PNKP: variants seen among roughly 807,000 people sequenced by gnomAD.
PNKP encodes the protein polynucleotide kinase 3'-phosphatase, also known as bifunctional polynucleotide phosphatase/kinase.
In PNKP, 82 loss-of-function variants were observed where a neutral mutation model predicts 66.2. The ratio of observed to expected loss-of-function variants is 1.24; its 90% CI spans 1.04 to 1.49. The LOEUF (loss-of-function observed/expected upper bound fraction) is 1.49. Ranked by LOEUF, PNKP falls within the 40% of genes most tolerant of loss-of-function variation. The pLI, the probability that PNKP is intolerant of heterozygous loss-of-function variation, is 0.00. For synonymous variants in PNKP, 412 were observed against 298.9 expected (o/e 1.38, Z -3.90); for missense variants, 907 against 706.8 (o/e 1.28, Z -3.21).
chr19:49,862,515 G>C, intron 10 of PNKP, 23 bp downstream of exon 10: 1 of 1,602,860 alleles, frequency 6.2e-7, no homozygotes, highest in Non-Finnish European at 8.5e-7. Flanking sequence ...GCTCGGGCGC[G>C]GGGCAGGGGG....
At chr19:49,861,587 G>A (rs1171853278) in intron 15 of PNKP, 21 bp downstream of exon 15, 1 of 1,560,684 alleles carries the variant, frequency 6.4e-7, no homozygotes, top group Non-Finnish European at 8.7e-7. Flanking sequence ...CCCGGGGGGT[G>A]TCCGGGCTGA....
At chr19:49,861,910 C>G in intron 13 of PNKP, 29 bp from the exon 14 acceptor site, 1 of 1,581,310 alleles carries the variant, frequency 6.3e-7, no homozygotes, top group South Asian at 1.1e-5. Flanking sequence ...ACAAACAGAT[C>G]GGCAGACCCA....
chr19:49,864,166 C>T lies in PNKP; in HGVS notation c.636+13G>A, dbSNP rs745577158. The T allele has an allele frequency of 2.7e-5, 43 of 1,612,286 alleles. No homozygotes were observed. Among genetic ancestry groups the T allele is most frequent in the Middle Eastern group, 3.3e-4 (2 of 6,080 alleles). On this transcript the variant is annotated intron_variant, in intron 6 of 16. Coordinates refer to ENST00000322344, the MANE Select transcript of PNKP (RefSeq NM_007254.4). ...ACGTGCACGTGCCCATGCAGACAGGCGGCTGCACATACCTTGTAGCCCTCG... is the reference window on the plus strand; with the variant it reads ...ACGTGCACGTGCCCATGCAGACAGGTGGCTGCACATACCTTGTAGCCCTCG...
At chr19:49,863,202 G>A (rs1027698464) in intron 8 of PNKP, among the ~76,000 whole-genome samples, 70 of 152,256 alleles carry the variant, frequency 4.6e-4, no homozygotes, top group African/African-American at 1.4e-3. Flanking sequence ...GGGGGGGACC[G>A]CTTTCCCCAG....
In PNKP at chr19:49,861,536, A is replaced by C. The variant is rs369605341; in HGVS notation, c.1387-26T>G. The stretch of plus-strand genomic sequence containing the variant: ...CTGTGGGGAACATCAGAGGGGCGGC[A>C]GGCCCAGGGGTCAGGGGAGGAGGGG... On this transcript the variant is annotated intron_variant, in intron 15 of 16. Coordinates refer to ENST00000322344, the MANE Select transcript of PNKP (RefSeq NM_007254.4). 1.2e-4 allele frequency: 152 copies of C among 1,285,814 alleles called. 1 individual carries two copies. The African/African-American group carries it at 2.6e-3, about 22-fold the overall frequency. 79.7% of individuals were successfully genotyped at this position (1,285,814 alleles called of 1,614,324 possible). A position where few individuals can be genotyped will look rare whatever the true frequency, so the allele number is the denominator to read the frequency against.
Position 49,862,574 on chromosome 19 carries a change from C to T in PNKP, c.900G>A (p.Gly300=), listed in dbSNP as rs775045450. The change falls in exon 10 of 17, where the codon GGG becomes GGA. Residue 300 remains glycine (G), a synonymous_variant. Transcript: ENST00000322344. ...AAGRPANWAP[G]RKKKDFSCAD... ...CGCAGGAGAAGTCTTTCTTCTTCCGCCCCGGGGCCCAGTTGGCCGGGCGTC... is the reference window on the plus strand; with the variant it reads ...CGCAGGAGAAGTCTTTCTTCTTCCGTCCCGGGGCCCAGTTGGCCGGGCGTC... 4 of 1,613,104 alleles carry T rather than the reference C, an allele frequency of 2.5e-6. No individual in the cohort carries two copies. Among genetic ancestry groups the T allele is most frequent in the Admixed American group, 3.3e-5 (2 of 59,936 alleles).
chr19:49,863,023 G>C (rs1568660908), intron 8 of PNKP, among the ~76,000 whole-genome samples: 1 of 152,114 alleles, frequency 6.6e-6, no homozygotes, highest in African/African-American at 2.4e-5. Flanking sequence ...CCTCCGGCGT[G>C]CCGGCGCCTC....
rs2074810270 is a variant in PNKP, at chr19:49,865,321, G to C, written c.304C>G (p.Leu102Val). ...TLYLVNGLHP[L>V]TLRWEETRTP... Reference sequence around the variant, plus strand: ...CGGGTCTCTTCCCAGCGCAGGGTCAGTGGGTGGAGGCCATTGACCAAATAC... The same window carrying C: ...CGGGTCTCTTCCCAGCGCAGGGTCACTGGGTGGAGGCCATTGACCAAATAC... The change falls in exon 4 of 17, where the codon CTG becomes GTG. Residue 102 changes from leucine to valine, a missense_variant. Coordinates refer to ENST00000322344, the MANE Select transcript of PNKP (RefSeq NM_007254.4). 1 of 1,613,972 alleles carries C rather than the reference G, an allele frequency of 6.2e-7. No homozygotes were observed. The highest frequency in any genetic ancestry group is 8.5e-7 in the Non-Finnish European group (1 of 1,179,932).
chr19:49,862,463 A>C lies in PNKP; in HGVS notation c.937T>G (p.Phe313Val). Residue 313 changes from phenylalanine to valine, a missense_variant and splice_region_variant, in exon 11 of 17, where the codon TTT becomes GTT. Coordinates refer to ENST00000322344, the MANE Select transcript of PNKP (RefSeq NM_007254.4). ...KKDFSCADRL[F>V]ALNLGLPFAT... is the part of the protein sequence containing the mutation. ...AAGGGCAGGCCAAGGTTGAGGGCAA[A>C]CTAGGGGTTGAGGACGAACATCAGA... is the stretch of plus-strand genomic sequence containing the variant. The C allele has an allele frequency of 6.3e-7, 1 of 1,592,244 alleles. No individual in the cohort carries two copies. Among genetic ancestry groups the C allele is most frequent in the Non-Finnish European group, 8.6e-7 (1 of 1,169,260 alleles).
intron 3 of PNKP, 146 bp from the exon 4 acceptor site, chr19:49,865,572 C>A (rs982997514): frequency 2.7e-5 from 16 of 590,492 alleles, no homozygotes; most frequent in Non-Finnish European, 4.0e-5. Context: ...GGCTTTGGAA[C>A]GGTTACAGGT....
At chr19:49,866,669 G>A (rs1321185591) in intron 2 of PNKP, 4 of 642,704 alleles carry the variant, frequency 6.2e-6, no homozygotes, top group South Asian at 5.2e-5. Flanking sequence ...TACAGAATTG[G>A]TTTCCTCCTT....
In PNKP at chr19:49,867,360, C is replaced by G. The variant is rs897681888; in HGVS notation, c.-14+109G>C. ...CCCGCTCGCCTTCCGCGGGTCGACC[C>G]GTTTCCCAGGCGACGACGCGTGCTC... On this transcript the variant is annotated intron_variant, in intron 1 of 16. Transcript: ENST00000322344. 2.9e-5 allele frequency: 25 copies of G among 868,150 alleles called. No homozygotes were observed. In the South Asian group the frequency reaches 3.6e-4, roughly 13 times the overall value. The allele number at this position is 868,150 out of a possible 1,614,324, so 53.8% of individuals were successfully genotyped here. A position where few individuals can be genotyped will look rare whatever the true frequency, so the allele number is the denominator to read the frequency against.
Position 49,863,678 on chromosome 19 carries a change from G to A in PNKP, c.816+11C>T. On this transcript the variant is annotated intron_variant, in intron 8 of 16. Transcript: ENST00000322344. ...GAAAAGGAGGGGGGCCGGGCAGGCTGCAAGACTCACCTGCTCCTGCAGATG... is the reference window on the plus strand; with the variant it reads ...GAAAAGGAGGGGGGCCGGGCAGGCTACAAGACTCACCTGCTCCTGCAGATG... 6.5e-7 allele frequency: 1 copy of A among 1,549,526 alleles called. No individual in the cohort carries two copies. Among genetic ancestry groups the A allele is most frequent in the Admixed American group, 2.0e-5 (1 of 51,120 alleles).
In PNKP at chr19:49,863,908, C is replaced by T. The variant is rs551243038; in HGVS notation, c.744+56G>A. On this transcript the variant is annotated intron_variant, in intron 7 of 16. Transcript: ENST00000322344. Reference sequence around the variant, plus strand: ...CCCCGCTTACCCTGGAGTCTAAAGCCCTCGCTCTGGATCTCTGTGCCCCCA... The same window carrying T: ...CCCCGCTTACCCTGGAGTCTAAAGCTCTCGCTCTGGATCTCTGTGCCCCCA... 2.8e-3 allele frequency: 4,141 copies of T among 1,475,068 alleles called. 23 individuals carry two copies. The highest frequency in any genetic ancestry group is 0.012 in the Middle Eastern group (68 of 5,788). The allele number at this position is 1,475,068 out of a possible 1,614,324, so 91.4% of individuals were successfully genotyped here. A position where few individuals can be genotyped will look rare whatever the true frequency, so the allele number is the denominator to read the frequency against.
At chr19:49,865,049 A>G (rs1039957727) in intron 4 of PNKP, 78 bp downstream of exon 4, 20 of 1,265,870 alleles carry the variant, frequency 1.6e-5, no homozygotes, top group Non-Finnish European at 2.3e-5. Flanking sequence ...TAGAGGCTAA[A>G]AAGTTGAGAG....
chr19:49,862,778 TC>T lies in PNKP; in HGVS notation c.817-41del, dbSNP rs750618164. On this transcript the variant is annotated intron_variant, in intron 8 of 16. Coordinates refer to ENST00000322344, the MANE Select transcript of PNKP (RefSeq NM_007254.4). ...AGTGAGGAGGCCCTTCCCACAAATG[TC>T]CCCCCGCAGCGGTAGCGGGTCCCTG... The T allele has an allele frequency of 3.7e-6, 6 of 1,610,020 alleles. No individual in the cohort carries two copies. In the African/African-American group the frequency reaches 5.3e-5, roughly 14 times the overall value.
chr19:49,866,730 A>C, intron 2 of PNKP: 1 of 594,550 alleles, frequency 1.7e-6, no homozygotes, highest in South Asian at 2.0e-5. Context: ...GTTACCATCC[A>C]TCCCAACCTA....
rs886042466 is a variant in PNKP at position 49,864,408 on chromosome 19, T to C, written c.499-5A>G. On this transcript the variant is annotated splice_polypyrimidine_tract_variant and splice_region_variant and intron_variant, in intron 4 of 16. Transcript: ENST00000322344. ...GTCCAGATCAAAGCCAGCCACCTGG[T>C]GTCACCAAGGAAAGACAAACAGCAG... 6.2e-7 allele frequency: 1 copy of C among 1,611,526 alleles called. No homozygotes were observed. The highest frequency in any genetic ancestry group is 1.7e-5 in the Admixed American group (1 of 60,016).
chr19:49,865,097 G>A (rs1309259952), intron 4 of PNKP, 30 bp downstream of exon 4: 5 of 1,600,562 alleles, frequency 3.1e-6, no homozygotes, highest in African/African-American at 2.7e-5. Flanking sequence ...AGTCTGTGGC[G>A]GCTCCCTCAG....
Sources: allele counts gnomAD v4.1 joint callset (sites outside exome capture counted in the v4.1 genomes callset), GRCh38; gene constraint gnomAD v4.1.1; transcripts MANE v1.5; gene names NCBI Gene and HGNC (gene_info 2026-07-23, HGNC 2026-07-21).